KIFAP3: variants seen among roughly 807,000 people sequenced by gnomAD.
KIFAP3 encodes kinesin associated protein 3.
In KIFAP3, 68 loss-of-function variants were observed where a neutral mutation model predicts 106.5. The observed-to-expected ratio is 0.64, with a 90% CI of 0.53 to 0.78. The LOEUF (loss-of-function observed/expected upper bound fraction) is 0.78. Ranked by LOEUF, KIFAP3 falls within the 30% of genes least tolerant of loss-of-function variation. The pLI is 0.00. For synonymous variants in KIFAP3, 320 were observed against 311.5 expected, an observed-to-expected ratio of 1.03 and a Z score of -0.29; for missense variants, 780 against 941.8, an observed-to-expected ratio of 0.83 and a Z score of 2.25.
At chr1:169,944,891 G>A (rs578239022) in intron 19 of KIFAP3, among the ~76,000 whole-genome samples, 2 of 152,304 alleles carry the variant, frequency 1.3e-5, no homozygotes, top group East Asian at 3.9e-4. Context: ...GCCAGAAAAA[G>A]TACAAGTTCT....
At chr1:169,948,062 T>A (rs1201759284) in intron 19 of KIFAP3, among the ~76,000 whole-genome samples, 1 of 151,740 alleles carries the variant, frequency 6.6e-6, no homozygotes, top group East Asian at 1.9e-4. Flanking sequence ...AACTTATTTA[T>A]CAGTCTTTAT....
intron 7 of KIFAP3, among the ~76,000 whole-genome samples, chr1:170,032,590 C>A (rs144469473): frequency 6.6e-6 from 1 of 151,686 alleles, no homozygotes; most frequent in Non-Finnish European, 1.5e-5. Context: ...ACTTCAGTAT[C>A]CCCAAGCATA....
chr1:169,988,206 T>C (rs1666932322), intron 11 of KIFAP3, among the ~76,000 whole-genome samples: 1 of 152,082 alleles, frequency 6.6e-6, no homozygotes, highest in Non-Finnish European at 1.5e-5. Flanking sequence ...AATCTAATTA[T>C]AGGTTTATTC....
chr1:170,023,640 T>C (rs547200335), intron 9 of KIFAP3, among the ~76,000 whole-genome samples: 2 of 152,104 alleles, frequency 1.3e-5, no homozygotes, highest in Non-Finnish European at 2.9e-5. Context: ...GGTAGGTTAA[T>C]ATATGATATA....
rs1671701520 is a variant in KIFAP3, at chr1:170,071,502, G to A, written c.32+2934C>T. 2.0e-5 allele frequency among the ~76,000 whole-genome samples: 3 copies of A among 152,286 alleles called. No individual in the cohort carries two copies. The Middle Eastern group carries it at 0.01, about 522-fold the overall frequency. On this transcript the variant is annotated intron_variant, in intron 1 of 19. Transcript: ENST00000361580. Reference sequence around the variant, plus strand: ...AGTTCCGCAGGCTGGGAAGTTCAAGGGCATGACTCTGGCTTCCAGTGAGGG... The same window carrying A: ...AGTTCCGCAGGCTGGGAAGTTCAAGAGCATGACTCTGGCTTCCAGTGAGGG...
chr1:170,055,900 C>T lies in KIFAP3; in HGVS notation c.33-464G>A, dbSNP rs1364118273. ...TAATCCCAGTGACTTGGGAGACCAA[C>T]ATGGGAGAAACACTTTAGGTCAGAA... On this transcript the variant is annotated intron_variant, in intron 1 of 19. Transcript: ENST00000361580. 1.3e-5 allele frequency among the ~76,000 whole-genome samples: 2 copies of T among 152,072 alleles called. 1 individual carries two copies.
At chr1:170,068,361 T>C (rs1244444807) in intron 1 of KIFAP3, 2 of 151,814 alleles carry the variant, frequency 1.3e-5, no homozygotes, top group Non-Finnish European at 2.9e-5. Flanking sequence ...ACATAAATAG[T>C]TTAAAAATAT....
chr1:169,990,443 A>G (rs1667037275), intron 11 of KIFAP3, among the ~76,000 whole-genome samples: 1 of 151,908 alleles, frequency 6.6e-6, no homozygotes, highest in African/African-American at 2.4e-5. Flanking sequence ...GCATTGGAAT[A>G]ATTTTGCTCA....
At chr1:170,017,312 T>C (rs1571672184) in intron 9 of KIFAP3, among the ~76,000 whole-genome samples, 1 of 122,220 alleles carries the variant, frequency 8.2e-6, no homozygotes, top group Admixed American at 7.7e-5. Flanking sequence ...GAAAATACAA[T>C]GTGATAAAAA....
At chr1:170,083,580 A>G (rs537955521) in intron 1 of KIFAP3, among the ~76,000 whole-genome samples, 21 of 152,358 alleles carry the variant, frequency 1.4e-4, no homozygotes, top group African/African-American at 5.0e-4. Context: ...GTAAAGTTAA[A>G]TGAGATAGCA....
At chr1:170,021,443 T>G (rs1465877029) in intron 9 of KIFAP3, among the ~76,000 whole-genome samples, 9 of 141,074 alleles carry the variant, frequency 6.4e-5, no homozygotes, top group East Asian at 2.0e-4. Flanking sequence ...AGTTTTTTTT[T>G]TTTTTTTTTT....
At chr1:169,951,910 T>C (rs1280877422) in intron 19 of KIFAP3, among the ~76,000 whole-genome samples, 2 of 151,952 alleles carry the variant, frequency 1.3e-5, no homozygotes, top group African/African-American at 4.8e-5. Flanking sequence ...AATTTTTCAA[T>C]ATAAATATTA....
chr1:170,082,221 G>A (rs1672030677), intron 1 of KIFAP3, among the ~76,000 whole-genome samples: 1 of 151,958 alleles, frequency 6.6e-6, no homozygotes, highest in Non-Finnish European at 1.5e-5. Context: ...ACAAATTGTG[G>A]GATATTCACA....
intron 11 of KIFAP3, among the ~76,000 whole-genome samples, chr1:169,986,749 G>A (rs1007774998): frequency 5.9e-5 from 9 of 151,572 alleles, no homozygotes; most frequent in Non-Finnish European, 1.0e-4. Context: ...TCTGAGAATC[G>A]GTTACATTGA....
intron 10 of KIFAP3, among the ~76,000 whole-genome samples, chr1:170,015,151 A>G (rs1668441927): frequency 6.6e-6 from 1 of 152,204 alleles, no homozygotes; most frequent in Admixed American, 6.5e-5. Context: ...ATTTCTTAAA[A>G]ATCTCTTTTA....
chr1:170,050,623 C>T (rs899315714), intron 2 of KIFAP3, among the ~76,000 whole-genome samples: 5 of 152,156 alleles, frequency 3.3e-5, no homozygotes, highest in Non-Finnish European at 2.9e-5. Flanking sequence ...AAGGGAAGCC[C>T]GTCAGACTAA....
chr1:169,983,376 C>T lies in KIFAP3; in HGVS notation c.1400G>A (p.Gly467Glu), dbSNP rs1666630144. 6.3e-7 allele frequency: 1 copy of T among 1,599,170 alleles called. No homozygotes were observed. The highest frequency in any genetic ancestry group is 1.7e-5 in the Admixed American group (1 of 58,140). Residue 467 changes from glycine to glutamate, a missense_variant, in exon 13 of 20, where the codon GGG becomes GAG. Gly to Glu is a moderately conservative substitution (Grantham distance 98, BLOSUM62 -2). Around this residue, in one of 3 missense-constraint regions of KIFAP3, gnomAD observed 588 missense variants for 678.9 expected, o/e 0.87. Transcript: ENST00000361580. ...RNVQLICEGNGLKMLMKRALK... is the reference protein window; with the variant it reads ...RNVQLICEGNELKMLMKRALK... ...AGCCCTCTTCATGAGCATCTTCAGC[C>T]CATTTCCTGAAACAGAAAAGTCCCC... is the stretch of plus-strand genomic sequence containing the variant.
chr1:170,004,386 C>A (rs569024527), intron 10 of KIFAP3, among the ~76,000 whole-genome samples: 1 of 152,136 alleles, frequency 6.6e-6, no homozygotes, highest in South Asian at 2.1e-4. Flanking sequence ...CAAAAAAGAC[C>A]CCGCATTGCC....
intron 11 of KIFAP3, among the ~76,000 whole-genome samples, chr1:169,986,067 A>G (rs1666814845): frequency 6.7e-6 from 1 of 149,968 alleles, no homozygotes; most frequent in Non-Finnish European, 1.5e-5. Context: ...AAAACTTACT[A>G]TGTTTTATCT....
Sources: gnomAD v4.1 joint callset for allele counts (sites outside exome capture counted in the v4.1 genomes callset) on GRCh38, gnomAD v4.1.1 for gene constraint, gnomAD v4.1.1 regional missense constraint, MANE v1.5 for transcripts, NCBI Gene and HGNC (gene_info 2026-07-23, HGNC 2026-07-21) for gene names.